TJP1: variants seen among roughly 807,000 people sequenced by gnomAD.
The protein encoded by TJP1 is tight junction protein 1.
In TJP1, 43 loss-of-function variants were observed where a neutral mutation model predicts 194.2. That is an observed-to-expected ratio of 0.22 (90% CI 0.17 to 0.29). TJP1 has a LOEUF of 0.29. Among genes scored for constraint, TJP1 ranks in the 10% least tolerant of loss-of-function variants. The pLI, the probability that TJP1 is intolerant of heterozygous loss-of-function variation, is 1.00. For synonymous variants in TJP1, 801 were observed against 779.0 expected (o/e 1.03, Z -0.47); for missense variants, 1,971 against 2,185.7 (o/e 0.90, Z 1.96).
intron 1 of TJP1, among the ~76,000 whole-genome samples, chr15:29,961,334 C>CCTTTTT (rs1341526883): frequency 2.2e-5 from 2 of 89,822 alleles, no homozygotes; most frequent in Admixed American, 1.6e-4. Context: ...TTTCCTAATT[C>CCTTTTT]TTTTTTTTTT....
chr15:29,812,761 G>A (rs1595990766), intron 1 of TJP1, among the ~76,000 whole-genome samples: 4 of 152,134 alleles, frequency 2.6e-5, no homozygotes, highest in African/African-American at 7.2e-5. Context: ...ACAGAATTGT[G>A]AAGATTAAAT....
intron 2 of TJP1, among the ~76,000 whole-genome samples, chr15:29,936,511 G>A (rs1049950667): frequency 2.6e-5 from 4 of 152,116 alleles, no homozygotes; most frequent in Non-Finnish European, 4.4e-5. Context: ...TGCATCTACA[G>A]GGCCACCCGC....
intron 1 of TJP1, among the ~76,000 whole-genome samples, chr15:29,802,314 T>C (rs1045349544): frequency 1.3e-5 from 2 of 152,176 alleles, no homozygotes; most frequent in African/African-American, 4.8e-5. Flanking sequence ...CATGGGCCCA[T>C]TCTCTCCTTT....
At chr15:29,840,505 G>C (rs556974204) in intron 2 of TJP1, among the ~76,000 whole-genome samples, 1 of 152,140 alleles carries the variant, frequency 6.6e-6, no homozygotes, top group African/African-American at 2.4e-5. Context: ...AGACAGGCTC[G>C]GCAGACTTTC....
intron 2 of TJP1, among the ~76,000 whole-genome samples, chr15:29,869,473 T>C (rs1409524549): frequency 6.6e-6 from 1 of 152,200 alleles, no homozygotes; most frequent in East Asian, 1.9e-4. Flanking sequence ...TTAGAAAACA[T>C]GTATCTCAGC....
At chr15:29,947,864 C>CG (rs1456158736) in intron 2 of TJP1, among the ~76,000 whole-genome samples, 1 of 152,192 alleles carries the variant, frequency 6.6e-6, no homozygotes, top group Non-Finnish European at 1.5e-5. Context: ...TGGAACAGTG[C>CG]GGAAGGCTGG....
chr15:29,731,148 G>C (rs1053438462), intron 15 of TJP1, among the ~76,000 whole-genome samples: 11 of 151,568 alleles, frequency 7.3e-5, no homozygotes, highest in African/African-American at 2.7e-4. Flanking sequence ...TTGGGGGAAG[G>C]GGCATATGTC....
intron 2 of TJP1, among the ~76,000 whole-genome samples, chr15:29,830,755 A>T (rs926091531): frequency 2.6e-5 from 4 of 152,128 alleles, no homozygotes; most frequent in Non-Finnish European, 4.4e-5. Context: ...AATAGCAAGG[A>T]GTACTCCTAA....
At chr15:29,820,562 C>A (rs780588981) in intron 1 of TJP1, 1 of 716,758 alleles carries the variant, frequency 1.4e-6, no homozygotes, top group Non-Finnish European at 2.6e-6. Flanking sequence ...GTATTTCTCT[C>A]CATACTTGAA....
rs1432130385 is a variant in TJP1 at position 29,759,946 on chromosome 15, GAC to G, written c.1010+1191_1010+1192del. 7.0e-6 allele frequency: 3 copies of G among 431,272 alleles called. No homozygotes were observed. In the Admixed American group the frequency reaches 1.2e-4, roughly 18 times the overall value. 26.7% of individuals were successfully genotyped at this position (431,272 alleles called of 1,614,324 possible). On this transcript the variant is annotated intron_variant, in intron 8 of 27. Coordinates refer to ENST00000614355, the MANE Select transcript of TJP1 (RefSeq NM_001330239.4). The stretch of plus-strand genomic sequence containing the variant: ...CATGAGAGTGCAGATATCTCTTCGA[GAC>G]AGTGATTTCATTTCCTTTGGATATG...
chr15:29,755,940 A>C (rs183056196), intron 8 of TJP1, among the ~76,000 whole-genome samples: 67 of 152,272 alleles, frequency 4.4e-4, no homozygotes, highest in African/African-American at 1.6e-3. Context: ...ACTTTTATAA[A>C]AATTTATAGA....
chr15:29,747,200 G>A (rs1039119226), intron 8 of TJP1, among the ~76,000 whole-genome samples: 1 of 152,106 alleles, frequency 6.6e-6, no homozygotes, highest in East Asian at 1.9e-4. Flanking sequence ...CACAAGAATC[G>A]CTTAAACCTG....
chr15:29,936,055 C>G, intron 2 of TJP1, among the ~76,000 whole-genome samples: 1 of 152,126 alleles, frequency 6.6e-6, no homozygotes, highest in East Asian at 1.9e-4. Flanking sequence ...TCAATGCCCA[C>G]TCAGGGAATG....
At chr15:29,719,663 G>GCTTTCAA (rs2042806882) in intron 20 of TJP1, 114 bp downstream of exon 20, 2 of 1,317,898 alleles carry the variant, frequency 1.5e-6, no homozygotes, top group African/African-American at 2.9e-5. Context: ...AAGCATTACA[G>GCTTTCAA]TGTATAAGCC....
Position 29,822,147 on chromosome 15 carries a change from C to T in TJP1, c.-119G>A. 8.5e-7 allele frequency: 1 copy of T among 1,178,238 alleles called. No individual in the cohort carries two copies. Among genetic ancestry groups the T allele is most frequent in the Non-Finnish European group, 1.0e-6 (1 of 952,656 alleles). The allele number at this position is 1,178,238 out of a possible 1,614,324, so 73.0% of individuals were successfully genotyped here. On this transcript the variant is annotated 5_prime_UTR_variant, in exon 1 of 28. Coordinates refer to ENST00000614355, the MANE Select transcript of TJP1 (RefSeq NM_001330239.4). ...CTCCCGAGAGCGAGCGGGGCACGGG[C>T]GGGGGCGGCCGGAAGGGCCCGGCCC... is the stretch of plus-strand genomic sequence containing the variant.
At chr15:29,953,190 G>C (rs2055819070) in intron 2 of TJP1, among the ~76,000 whole-genome samples, 1 of 125,200 alleles carries the variant, frequency 8.0e-6, no homozygotes, top group Non-Finnish European at 1.6e-5. Context: ...CGTCCAGACT[G>C]GAGTGCGGTG....
intron 2 of TJP1, among the ~76,000 whole-genome samples, chr15:29,870,430 C>T (rs1297129553): frequency 6.6e-6 from 1 of 152,044 alleles, no homozygotes; most frequent in Non-Finnish European, 1.5e-5. Flanking sequence ...ACAGAGGAAC[C>T]GGAGCAGACA....
intron 1 of TJP1, among the ~76,000 whole-genome samples, chr15:29,962,686 T>C (rs2056201487): frequency 6.6e-6 from 1 of 152,212 alleles, no homozygotes; most frequent in Non-Finnish European, 1.5e-5. Flanking sequence ...GCTAAATCCT[T>C]CTGAAGGACA....
chr15:29,810,581 G>C (rs1310874882), intron 1 of TJP1, among the ~76,000 whole-genome samples: 1 of 152,190 alleles, frequency 6.6e-6, no homozygotes, highest in Non-Finnish European at 1.5e-5. Context: ...ACCAGTAAGT[G>C]AGTTAACAGC....
Sources: gnomAD v4.1 joint callset for allele counts (sites outside exome capture counted in the v4.1 genomes callset) on GRCh38, gnomAD v4.1.1 for gene constraint, MANE v1.5 for transcripts, NCBI Gene and HGNC (gene_info 2026-07-23, HGNC 2026-07-21) for gene names.